The following OCA2 variants were observed in gnomAD, a reference collection of about 807,000 sequenced individuals.
OCA2 encodes OCA2 melanosomal transmembrane protein, also known as P protein.
A neutral mutation model predicts 100.2 loss-of-function variants in OCA2; 77 were observed. That is an observed-to-expected ratio of 0.77 (90% CI 0.64 to 0.93). OCA2 has a LOEUF of 0.93. Among genes scored for constraint, OCA2 ranks in the 40% least tolerant of loss-of-function variants. The pLI is 0.00. For synonymous variants in OCA2, 432 were observed against 439.2 expected (o/e 0.98, Z 0.21); for missense variants, 1,062 against 1,089.1 (o/e 0.98, Z 0.35).
intron 23 of OCA2, among the ~76,000 whole-genome samples, chr15:27,755,873 C>A (rs2030318033): frequency 6.6e-6 from 1 of 152,202 alleles, no homozygotes; most frequent in South Asian, 2.1e-4. Context: ...CAGCTTCCAG[C>A]AGGCTCCTGA....
chr15:27,862,200 G>A (rs138983721), intron 21 of OCA2, among the ~76,000 whole-genome samples: 9 of 137,042 alleles, frequency 6.6e-5, no homozygotes, highest in African/African-American at 9.3e-5. Flanking sequence ...AAGCATGGTC[G>A]TCAGCCTCGA....
At chr15:27,798,010 C>T (rs2033421452) in intron 23 of OCA2, among the ~76,000 whole-genome samples, 1 of 152,238 alleles carries the variant, frequency 6.6e-6, no homozygotes, top group Non-Finnish European at 1.5e-5. Context: ...GGCATGTGAG[C>T]AGCAGGTGTG....
Position 27,871,841 on chromosome 15 carries a change from T to A in OCA2, c.2139+22A>T, listed in dbSNP as rs112277343. 3.8e-3 allele frequency: 5,680 copies of A among 1,504,026 alleles called. 105 individuals carry two copies. The African/African-American group carries it at 0.05, about 13-fold the overall frequency. 93.2% of individuals were successfully genotyped at this position (1,504,026 alleles called of 1,614,324 possible). The stretch of plus-strand genomic sequence containing the variant: ...TCAAAGAACAGTGGCTGGAGTGCCT[T>A]CTATTATAGCATTTATTTTACCTTT... On this transcript the variant is annotated intron_variant, in intron 20 of 23. Coordinates refer to ENST00000354638, the MANE Select transcript of OCA2 (RefSeq NM_000275.3).
intron 9 of OCA2, among the ~76,000 whole-genome samples, chr15:28,003,600 C>T (rs1194311454): frequency 1.4e-5 from 2 of 147,942 alleles, no homozygotes; most frequent in African/African-American, 2.7e-5. Context: ...CGGGGAACGA[C>T]GGGAAAGCAG....
rs1195427655 is a variant in OCA2, at chr15:28,018,566, G to C, written c.647-9C>G. 3 of 1,611,342 alleles carry C rather than the reference G, an allele frequency of 1.9e-6. No homozygotes were observed. Among genetic ancestry groups the C allele is most frequent in the Non-Finnish European group, 1.7e-6 (2 of 1,179,404 alleles). On this transcript the variant is annotated splice_polypyrimidine_tract_variant and intron_variant, in intron 6 of 23. Coordinates refer to ENST00000354638, the MANE Select transcript of OCA2 (RefSeq NM_000275.3). ...GCTGCTAAGGTTCACGGCTCGGAGA[G>C]TGTCAAGGAGAACCACAAGGCAGAC...
intron 18 of OCA2, among the ~76,000 whole-genome samples, chr15:27,949,828 A>T (rs185533949): frequency 1.6e-4 from 25 of 152,330 alleles, no homozygotes; most frequent in African/African-American, 5.3e-4. Context: ...AGGAAACTGT[A>T]TTCCATTAAA....
At chr15:27,938,091 T>TA (rs2039520544) in intron 18 of OCA2, among the ~76,000 whole-genome samples, 1 of 152,122 alleles carries the variant, frequency 6.6e-6, no homozygotes, top group Admixed American at 6.5e-5. Flanking sequence ...TAAAGCTACA[T>TA]AACAAAAAAA....
In OCA2 at chr15:27,869,739, A is replaced by G. The variant is rs530741094; in HGVS notation, c.2244+1415T>C. ...GCGCTCGGTCCGCAACTGTGGCCTCATTGGCTGGGACAGCGCGGAGTCTCC... is the reference window on the plus strand; with the variant it reads ...GCGCTCGGTCCGCAACTGTGGCCTCGTTGGCTGGGACAGCGCGGAGTCTCC... On this transcript the variant is annotated intron_variant, in intron 21 of 23. Transcript: ENST00000354638. Among the ~76,000 whole-genome samples the G allele has an allele frequency of 2.6e-5, 4 of 152,286 alleles. No individual in the cohort carries two copies. The East Asian group carries it at 5.8e-4, about 22-fold the overall frequency.
At chr15:27,806,195 C>G (rs980675784) in intron 23 of OCA2, among the ~76,000 whole-genome samples, 3 of 152,240 alleles carry the variant, frequency 2.0e-5, no homozygotes. Context: ...GAGCAGAGGG[C>G]TGACTTCCAG....
chr15:27,829,698 C>T (rs548643906), intron 23 of OCA2, among the ~76,000 whole-genome samples: 2 of 152,334 alleles, frequency 1.3e-5, no homozygotes, highest in Admixed American at 1.3e-4. Flanking sequence ...AAGTCAACCT[C>T]AATCAGCATC....
intron 19 of OCA2, among the ~76,000 whole-genome samples, chr15:27,911,097 C>T (rs2038379230): frequency 6.6e-6 from 1 of 152,152 alleles, no homozygotes; most frequent in Admixed American, 6.5e-5. Flanking sequence ...GTGATACTTC[C>T]TTTCATATAC....
At chr15:27,966,191 G>A (rs969673710) in intron 15 of OCA2, among the ~76,000 whole-genome samples, 4 of 152,110 alleles carry the variant, frequency 2.6e-5, no homozygotes, top group Admixed American at 6.5e-5. Flanking sequence ...GGCTGGAGTC[G>A]AACTCCTGAC....
chr15:27,989,738 GC>G, intron 10 of OCA2, 72 bp from the exon 11 acceptor site: 1 of 1,362,512 alleles, frequency 7.3e-7, no homozygotes, highest in East Asian at 2.4e-5. Flanking sequence ...ATGAAGCGCT[GC>G]CCCCTGCTGC....
chr15:28,079,095 AT>A (rs1161665922), intron 2 of OCA2, among the ~76,000 whole-genome samples: 1 of 152,156 alleles, frequency 6.6e-6, no homozygotes, highest in Non-Finnish European at 1.5e-5. Flanking sequence ...AGTCCCCCAA[AT>A]TACCTTTTCA....
chr15:28,046,580 C>T (rs1242368447), intron 2 of OCA2, among the ~76,000 whole-genome samples: 1 of 152,212 alleles, frequency 6.6e-6, no homozygotes, highest in Non-Finnish European at 1.5e-5. Context: ...AGCCAGAAGC[C>T]ACCAGGGAGC....
At chr15:27,986,394 C>T (rs1164945809) in intron 12 of OCA2, among the ~76,000 whole-genome samples, 193 bp downstream of exon 12, 1 of 152,156 alleles carries the variant, frequency 6.6e-6, no homozygotes, top group African/African-American at 2.4e-5. Context: ...ATTTACTGAG[C>T]AGCTGAAAGT....
intron 23 of OCA2, among the ~76,000 whole-genome samples, chr15:27,776,974 T>TGGGGGGGGGGGG (rs368182175): frequency 2.3e-5 from 1 of 43,178 alleles, no homozygotes; most frequent in African/African-American, 5.8e-5. Context: ...GAGCGTGAGG[T>TGGGGGGGGGGGG]GGGGGGGGGT....
intron 14 of OCA2, among the ~76,000 whole-genome samples, chr15:27,969,619 C>G (rs1382360573): frequency 6.6e-6 from 1 of 152,212 alleles, no homozygotes; most frequent in Non-Finnish European, 1.5e-5. Context: ...TCCACTCAGT[C>G]ATTTTCTTCT....
chr15:27,841,630 A>G (rs2035347298), intron 23 of OCA2, among the ~76,000 whole-genome samples: 1 of 152,262 alleles, frequency 6.6e-6, no homozygotes, highest in African/African-American at 2.4e-5. Flanking sequence ...TTAAAATACA[A>G]AAATAAGCTT....
Sources: gnomAD v4.1 joint callset for allele counts (sites outside exome capture counted in the v4.1 genomes callset) on GRCh38, gnomAD v4.1.1 for gene constraint, MANE v1.5 for transcripts, NCBI Gene and HGNC (gene_info 2026-07-23, HGNC 2026-07-21) for gene names.